Variants in HDAC4 observed in about 807,000 individuals in gnomAD.
HDAC4 encodes the protein histone deacetylase 4.
A neutral mutation model predicts 135.1 loss-of-function variants in HDAC4; 16 were observed. The observed-to-expected ratio is 0.12, with a 90% CI of 0.08 to 0.18. The LOEUF is 0.18. Ranked by LOEUF, HDAC4 falls within the 10% of genes least tolerant of loss-of-function variation. The pLI is 1.00. For synonymous variants in HDAC4, 685 were observed against 653.4 expected (o/e 1.05, Z -0.74); for missense variants, 1,143 against 1,511.8 (o/e 0.76, Z 4.05).
At chr2:239,061,407 C>A (rs1184892739) in intron 24 of HDAC4, among the ~76,000 whole-genome samples, 1 of 145,902 alleles carries the variant, frequency 6.9e-6, no homozygotes, top group African/African-American at 2.6e-5. Context: ...TGTGCATGCA[C>A]AAGAGGGTGT....
chr2:239,386,240 G>GC (rs1445130180), intron 1 of HDAC4, among the ~76,000 whole-genome samples: 1 of 152,112 alleles, frequency 6.6e-6, no homozygotes. Flanking sequence ...GGCTGGGGCG[G>GC]CCGCACAGGG....
At position 239,167,132 on chromosome 2, in the gene HDAC4, C is replaced by T. The variant is rs577381455; in HGVS notation, c.491-3209G>A. On this transcript the variant is annotated intron_variant, in intron 5 of 26. Transcript: ENST00000543185. This position sits in a 1 kb window ranked among gnomAD's most constrained non-coding sequence, Gnocchi z 4.1. ...GGACAAGAAGCAGGTTCTCGGTGTG[C>T]GGGACGAGGACGCCCTCAACACTTT... is the stretch of plus-strand genomic sequence containing the variant. Among the ~76,000 whole-genome samples, 4 of 151,988 alleles carry T rather than the reference C, an allele frequency of 2.6e-5. No individual in the cohort carries two copies. Among genetic ancestry groups the T allele is most frequent in the South Asian group, 4.2e-4 (2 of 4,792 alleles).
intron 5 of HDAC4, among the ~76,000 whole-genome samples, chr2:239,168,635 G>A (rs1303817717): frequency 2.6e-5 from 4 of 152,228 alleles, no homozygotes; most frequent in East Asian, 1.9e-4. Context: ...GCGGTGCTTC[G>A]TGTCCCCCGC....
intron 12 of HDAC4, among the ~76,000 whole-genome samples, chr2:239,122,015 G>A (rs1318052908): frequency 6.6e-6 from 1 of 152,210 alleles, no homozygotes; most frequent in Non-Finnish European, 1.5e-5. Flanking sequence ...ATCAATTCAG[G>A]AAGAACAAAT....
chr2:239,203,069 G>T (rs563200551), intron 3 of HDAC4, among the ~76,000 whole-genome samples: 93 of 152,326 alleles, frequency 6.1e-4, no homozygotes, highest in African/African-American at 2.2e-3. Context: ...CAGGCACACA[G>T]CCCTGCAGGG....
intron 1 of HDAC4, among the ~76,000 whole-genome samples, chr2:239,380,607 G>C (rs768047011): frequency 9.9e-5 from 15 of 152,152 alleles, no homozygotes; most frequent in Admixed American, 5.2e-4. Flanking sequence ...AAAAATTCTA[G>C]AAATTGGGTG....
At chr2:239,198,654 T>G (rs1417708860) in intron 3 of HDAC4, among the ~76,000 whole-genome samples, 1 of 152,168 alleles carries the variant, frequency 6.6e-6, no homozygotes, top group Non-Finnish European at 1.5e-5. Flanking sequence ...CTGAGATCTG[T>G]TTTTTGGGTC....
intron 1 of HDAC4, among the ~76,000 whole-genome samples, chr2:239,364,472 A>G (rs1356631769): frequency 1.3e-5 from 2 of 152,218 alleles, no homozygotes; most frequent in Non-Finnish European, 2.9e-5. Flanking sequence ...ATGTGAAAAC[A>G]GGCAACACTA....
chr2:239,150,090 T>TA (rs1322252390), intron 7 of HDAC4, among the ~76,000 whole-genome samples: 1 of 152,022 alleles, frequency 6.6e-6, no homozygotes, highest in Non-Finnish European at 1.5e-5. Flanking sequence ...GCTTCATACG[T>TA]AAAAATGGAA....
chr2:239,114,893 A>T (rs2038993183), intron 13 of HDAC4, among the ~76,000 whole-genome samples, 160 bp downstream of exon 13: 1 of 152,140 alleles, frequency 6.6e-6, no homozygotes, highest in South Asian at 2.1e-4. Flanking sequence ...TGGAAGCCAC[A>T]TCAACCTCCC....
At chr2:239,160,097 A>G (rs2042696315) in intron 6 of HDAC4, among the ~76,000 whole-genome samples, 1 of 152,230 alleles carries the variant, frequency 6.6e-6, no homozygotes, top group Non-Finnish European at 1.5e-5. Flanking sequence ...ACGCCAGGAT[A>G]CTCCAGCAGA....
intron 2 of HDAC4, among the ~76,000 whole-genome samples, chr2:239,291,499 G>A (rs2051495279): frequency 6.6e-6 from 1 of 152,226 alleles, no homozygotes; most frequent in Non-Finnish European, 1.5e-5. Context: ...AGAGACCCTG[G>A]AGCTCTGGAA....
At chr2:239,140,068 C>T (rs2041256430) in intron 8 of HDAC4, among the ~76,000 whole-genome samples, 1 of 152,162 alleles carries the variant, frequency 6.6e-6, no homozygotes, top group South Asian at 2.1e-4. Context: ...TTTTAAACAC[C>T]AAAAAGATAA....
At chr2:239,159,024 C>G (rs1189316130) in intron 6 of HDAC4, among the ~76,000 whole-genome samples, 1 of 151,300 alleles carries the variant, frequency 6.6e-6, no homozygotes, top group East Asian at 1.9e-4. Flanking sequence ...GCACCTCACA[C>G]TATTCACACC....
chr2:239,234,533 C>T (rs1042449283), intron 3 of HDAC4, among the ~76,000 whole-genome samples: 2 of 152,156 alleles, frequency 1.3e-5, no homozygotes, highest in Admixed American at 1.3e-4. Flanking sequence ...TACTAGTCAA[C>T]GGGACACTGA....
At chr2:239,187,509 C>T (rs1465219366) in intron 4 of HDAC4, among the ~76,000 whole-genome samples, 1 of 152,232 alleles carries the variant, frequency 6.6e-6, no homozygotes, top group Non-Finnish European at 1.5e-5. Flanking sequence ...CTCCCCCGGA[C>T]CCGCGCCTTC....
chr2:239,132,448 G>A (rs1486287037), intron 11 of HDAC4, among the ~76,000 whole-genome samples: 5 of 152,160 alleles, frequency 3.3e-5, no homozygotes, highest in South Asian at 2.1e-4. Context: ...TGGAGGTGGC[G>A]GCATAGGACT....
intron 19 of HDAC4, among the ~76,000 whole-genome samples, chr2:239,086,900 G>A (rs1056644557): frequency 1.1e-4 from 16 of 152,262 alleles, no homozygotes; most frequent in African/African-American, 3.6e-4. Context: ...AGCGGCTACC[G>A]TCCCAGGAGA....
At position 239,052,845 on chromosome 2, in the gene HDAC4, G is replaced by A. The variant is rs1339582221; in HGVS notation, c.*252C>T. ...GCCAGAGTGTGCTTGGCTTCCGCGT[G>A]TCCGTGTGTCTGCGCGTCGCCGGCG... On this transcript the variant is annotated 3_prime_UTR_variant, in exon 27 of 27. Transcript: ENST00000543185. 1.1e-5 allele frequency: 6 copies of A among 557,794 alleles called. No homozygotes were observed. The allele number at this position is 557,794 out of a possible 1,614,324, so 34.6% of individuals were successfully genotyped here.
Sources: allele counts gnomAD v4.1 joint callset (sites outside exome capture counted in the v4.1 genomes callset), GRCh38; gene constraint gnomAD v4.1.1; non-coding constraint Gnocchi (gnomAD v3.1); transcripts MANE v1.5; gene names NCBI Gene and HGNC (gene_info 2026-07-23, HGNC 2026-07-21).